Variants in GRM5 observed in about 807,000 individuals in gnomAD.
GRM5 encodes the protein metabotropic glutamate receptor 5.
In GRM5, 19 loss-of-function variants were observed where a neutral mutation model predicts 83.1. The observed-to-expected ratio is 0.23, with a 90% confidence interval of 0.16 to 0.34. The LOEUF is 0.34. Ranked by LOEUF, GRM5 falls within the 10% of genes least tolerant of loss-of-function variation. The pLI, the probability that GRM5 is intolerant of heterozygous loss-of-function variation, is 1.00. For synonymous variants in GRM5, 675 were observed against 633.6 expected (o/e 1.07, Z -0.98); for missense variants, 1,160 against 1,588.3 (o/e 0.73, Z 4.58).
At chr11:89,052,496 C>T (rs945300251) in intron 1 of GRM5, among the ~76,000 whole-genome samples, 5 of 151,948 alleles carry the variant, frequency 3.3e-5, no homozygotes, top group Admixed American at 6.6e-5. Flanking sequence ...AAAACGTATC[C>T]GATTCACATG....
intron 8 of GRM5, among the ~76,000 whole-genome samples, chr11:88,563,711 A>G (rs1232033375): frequency 6.6e-6 from 1 of 152,222 alleles, no homozygotes; most frequent in Non-Finnish European, 1.5e-5. Context: ...ACTGAGAAGC[A>G]CAACTCAGGG....
chr11:88,824,666 A>T (rs1943863784), intron 3 of GRM5, among the ~76,000 whole-genome samples: 1 of 152,120 alleles, frequency 6.6e-6, no homozygotes, highest in South Asian at 2.1e-4. Context: ...GCTACCACTG[A>T]TCTGACAGGA....
chr11:88,794,935 T>C (rs1280369395), intron 3 of GRM5, among the ~76,000 whole-genome samples: 1 of 152,234 alleles, frequency 6.6e-6, no homozygotes, highest in Non-Finnish European at 1.5e-5. Context: ...CAGAGATCTC[T>C]GATATGGTGT....
At chr11:88,517,128 TACACAC>T (rs60251358) in intron 9 of GRM5, among the ~76,000 whole-genome samples, 4,805 of 148,052 alleles carry the variant, frequency 0.032, 194 homozygotes, top group African/African-American at 0.1. Flanking sequence ...TTGGCTTCTG[TACACAC>T]ACACACACAC....
At chr11:88,602,865 A>G (rs997048532) in intron 5 of GRM5, among the ~76,000 whole-genome samples, 8 of 152,216 alleles carry the variant, frequency 5.3e-5, no homozygotes, top group Non-Finnish European at 1.2e-4. Context: ...CTCAGAACAC[A>G]CACTCAATAT....
intron 2 of GRM5, among the ~76,000 whole-genome samples, chr11:88,886,712 C>T (rs941061893): frequency 4.6e-5 from 7 of 152,138 alleles, no homozygotes; most frequent in African/African-American, 1.4e-4. Context: ...GATGAGATGT[C>T]GGCAACAGAA....
chr11:88,694,803 G>T (rs954031915), intron 3 of GRM5, among the ~76,000 whole-genome samples: 1 of 151,960 alleles, frequency 6.6e-6, no homozygotes, highest in South Asian at 2.1e-4. Context: ...TATCACATTA[G>T]GTTATTGATT....
intron 3 of GRM5, among the ~76,000 whole-genome samples, chr11:88,794,367 C>G (rs1330547560): frequency 1.3e-5 from 2 of 152,094 alleles, no homozygotes; most frequent in African/African-American, 2.4e-5. Flanking sequence ...ACTTTTTGTT[C>G]TTATCAATCT....
At chr11:88,652,207 G>A (rs1030512436) in intron 4 of GRM5, among the ~76,000 whole-genome samples, 8 of 152,062 alleles carry the variant, frequency 5.3e-5, no homozygotes, top group African/African-American at 1.4e-4. Flanking sequence ...TTTGAACAAT[G>A]TTTCATGTTC....
chr11:88,572,475 T>G (rs1460498146), intron 7 of GRM5, among the ~76,000 whole-genome samples: 1 of 152,298 alleles, frequency 6.6e-6, no homozygotes, highest in East Asian at 1.9e-4. Context: ...GCACAAAGCT[T>G]CAAGCTTCAG....
At chr11:88,587,971 G>A (rs1943353498) in intron 7 of GRM5, among the ~76,000 whole-genome samples, 1 of 152,016 alleles carries the variant, frequency 6.6e-6, no homozygotes, top group African/African-American at 2.4e-5. Context: ...TTTGTTCCAA[G>A]GATTTAATCC....
chr11:88,895,264 T>C (rs1945212393), intron 2 of GRM5, among the ~76,000 whole-genome samples: 1 of 151,994 alleles, frequency 6.6e-6, no homozygotes, highest in South Asian at 2.1e-4. Context: ...ATAATTACAA[T>C]CTTTTTGAAA....
In GRM5 at chr11:89,047,083, T is replaced by C. The variant is rs2135150583; in HGVS notation, c.661+129A>G. The C allele has an allele frequency of 5.8e-6, 4 of 695,282 alleles. No homozygotes were observed. The highest frequency in any genetic ancestry group is 2.6e-5 in the East Asian group (1 of 38,004). 43.1% of individuals were successfully genotyped at this position (695,282 alleles called of 1,614,324 possible). On this transcript the variant is annotated intron_variant, in intron 2 of 9. Transcript: ENST00000305447. The surrounding 1 kb of genome is among the most constrained non-coding windows in gnomAD (Gnocchi z 5.1). ...ATATATGCCATCCAGTCTGTTCTTA[T>C]AGTACTGGTATAACTCGGACAATTC...
intron 3 of GRM5, among the ~76,000 whole-genome samples, chr11:88,700,827 G>C (rs1447131438): frequency 1.3e-5 from 2 of 152,118 alleles, no homozygotes; most frequent in Non-Finnish European, 2.9e-5. Flanking sequence ...GCTCTTCAAG[G>C]TACAACTGAG....
intron 3 of GRM5, among the ~76,000 whole-genome samples, chr11:88,797,106 A>G (rs901605494): frequency 6.6e-6 from 1 of 152,068 alleles, no homozygotes; most frequent in African/African-American, 2.4e-5. Flanking sequence ...GTTCAACATG[A>G]GAAGACTGGA....
chr11:88,641,974 T>C (rs1591403712), intron 4 of GRM5, among the ~76,000 whole-genome samples: 1 of 152,282 alleles, frequency 6.6e-6, no homozygotes, highest in East Asian at 1.9e-4. Context: ...GGGGACTGTT[T>C]GTGGGGGCTC....
intron 3 of GRM5, among the ~76,000 whole-genome samples, chr11:88,812,088 C>G (rs1315888400): frequency 1.3e-5 from 2 of 152,258 alleles, no homozygotes; most frequent in Middle Eastern, 3.4e-3. Flanking sequence ...TTCGGAAGTT[C>G]TGTTTTATAA....
chr11:88,581,112 CAATAAATAAATAAATTTA>C (rs1483541683), intron 7 of GRM5, among the ~76,000 whole-genome samples: 1 of 152,038 alleles, frequency 6.6e-6, no homozygotes, highest in Non-Finnish European at 1.5e-5. Flanking sequence ...GATTCCATCT[CAATAAATAAATAAATTTA>C]AATAAATAAA....
intron 2 of GRM5, among the ~76,000 whole-genome samples, chr11:88,924,765 C>T (rs1320269765): frequency 6.6e-6 from 1 of 151,592 alleles, no homozygotes; most frequent in African/African-American, 2.4e-5. Flanking sequence ...TTATTAACTA[C>T]AGTTAATAAT....
Sources: gnomAD v4.1 joint callset for allele counts (sites outside exome capture counted in the v4.1 genomes callset) on GRCh38, gnomAD v4.1.1 for gene constraint, Gnocchi (gnomAD v3.1) non-coding constraint, MANE v1.5 for transcripts, NCBI Gene and HGNC (gene_info 2026-07-23, HGNC 2026-07-21) for gene names.